SPART: variants seen among roughly 807,000 people sequenced by gnomAD.
SPART encodes the protein spastic paraplegia 20 (Troyer syndrome).
In SPART, 35 loss-of-function variants were observed where a neutral mutation model predicts 58.7. The observed-to-expected ratio is 0.60, with a 90% CI of 0.46 to 0.79. The LOEUF is 0.79. SPART is among the 30% of genes least tolerant of loss of function. The pLI, the probability that SPART is intolerant of heterozygous loss-of-function variation, is 0.00. For missense variants in SPART, 730 were observed against 786.1 expected (o/e 0.93, Z 0.85); for synonymous variants, 284 against 280.7 (o/e 1.01, Z -0.12).
chr13:36,359,931 A>AAAAAAC (rs1555266104), intron 1 of SPART, among the ~76,000 whole-genome samples: 17 of 151,050 alleles, frequency 1.1e-4, no homozygotes, highest in African/African-American at 3.4e-4. Flanking sequence ...TTTAAAAAAA[A>AAAAAAC]AAAAAAAAAA....
chr13:36,302,060 G>C lies in SPART; in HGVS notation c.*2305C>G, dbSNP rs1880037076. The C allele has an allele frequency of 6.6e-6, 1 of 152,260 alleles. No individual in the cohort carries two copies. The highest frequency in any genetic ancestry group is 2.4e-5 in the African/African-American group (1 of 41,546). The allele number at this position is 152,260 out of a possible 1,614,324, so 9.4% of individuals were successfully genotyped here. ...TTCAAAAAATGAAACAGTATGTTTG[G>C]AGAACATACATGTGTGATTAAAAAA... On this transcript the variant is annotated 3_prime_UTR_variant, in exon 9 of 9. Transcript: ENST00000438666.
chr13:36,336,932 A>G lies in SPART; in HGVS notation c.-2-1100T>C, dbSNP rs114295262. Reference sequence around the variant, plus strand: ...TTGAGACCACATACTATGATTCTACATGAATGAATTAAATGGGAAAAACTG... The same window carrying G: ...TTGAGACCACATACTATGATTCTACGTGAATGAATTAAATGGGAAAAACTG... On this transcript the variant is annotated intron_variant, in intron 1 of 8. Coordinates refer to ENST00000438666, the MANE Select transcript of SPART (RefSeq NM_015087.5). Among the ~76,000 whole-genome samples, 546 of 152,352 alleles carry G rather than the reference A, an allele frequency of 3.6e-3. 1 individual carries two copies. Among genetic ancestry groups the G allele is most frequent in the African/African-American group, 0.012 (511 of 41,582 alleles).
rs79179084 is a variant in SPART, at chr13:36,354,693, T to C, written c.-3+15396A>G. 5.0e-3 allele frequency among the ~76,000 whole-genome samples: 757 copies of C among 152,350 alleles called. 5 individuals are homozygous for C. The highest frequency in any genetic ancestry group is 0.017 in the African/African-American group (727 of 41,578). On this transcript the variant is annotated intron_variant, in intron 1 of 8. Transcript: ENST00000355182. ...TTGCTAATTTTAATGTATATTCTTT[T>C]GCTGTAATAAACCAGAACTGTGGGT...
intron 8 of SPART, among the ~76,000 whole-genome samples, chr13:36,305,446 T>C (rs1351063838): frequency 1.3e-5 from 2 of 152,176 alleles, no homozygotes; most frequent in Non-Finnish European, 2.9e-5. Flanking sequence ...TAAACCCTAT[T>C]GGAGAGGAGA....
At chr13:36,343,308 C>T (rs1208389828) in intron 1 of SPART, among the ~76,000 whole-genome samples, 1 of 151,864 alleles carries the variant, frequency 6.6e-6, no homozygotes, top group Non-Finnish European at 1.5e-5. Flanking sequence ...AAATGCATTA[C>T]CTTAAGATAA....
intron 1 of SPART, among the ~76,000 whole-genome samples, chr13:36,355,684 C>A (rs1041592276): frequency 3.9e-5 from 6 of 152,266 alleles, no homozygotes; most frequent in Admixed American, 3.3e-4. Context: ...AAGGCTCCCC[C>A]CAACCATCTG....
Position 36,304,361 on chromosome 13 carries a change from T to A in SPART, c.*4A>T. 1.2e-6 allele frequency: 2 copies of A among 1,614,028 alleles called. No individual in the cohort carries two copies. Among genetic ancestry groups the A allele is most frequent in the South Asian group, 2.2e-5 (2 of 91,078 alleles). ...CTTTGGTATAAGTGATTCCCAGCAC[T>A]TCATCATTTATCTTTCTTCTTTGCC... On this transcript the variant is annotated 3_prime_UTR_variant, in exon 9 of 9. Transcript: ENST00000438666.
At chr13:36,326,532 G>GGA in intron 5 of SPART, 43 bp downstream of exon 5, 1 of 1,609,750 alleles carries the variant, frequency 6.2e-7, no homozygotes, top group Non-Finnish European at 8.5e-7. Context: ...GGTTCCAAAG[G>GGA]CTTAATGTCA....
Position 36,312,164 on chromosome 13 carries a change from C to T in SPART, c.1714G>A (p.Val572Ile). The T allele has an allele frequency of 6.2e-7, 1 of 1,613,682 alleles. No individual in the cohort carries two copies. The highest frequency in any genetic ancestry group is 8.5e-7 in the Non-Finnish European group (1 of 1,179,576). The change falls in exon 8 of 9, where the codon GTA becomes ATA. Residue 572 changes from valine to isoleucine, a missense_variant. Coordinates refer to ENST00000438666, the MANE Select transcript of SPART (RefSeq NM_015087.5). The stretch of plus-strand genomic sequence containing the variant: ...ACTTACTTGTATCTGACAGTTTGTA[C>T]AGTTTCTGCTGAAACATTGTTAACG... ...CIVNNVSAET[V>I]QTVRYKYGYN...
intron 1 of SPART, among the ~76,000 whole-genome samples, chr13:36,339,721 GAAAT>G (rs1884397814): frequency 7.2e-6 from 1 of 138,462 alleles, no homozygotes; most frequent in African/African-American, 2.7e-5. Context: ...AAGAATTAAA[GAAAT>G]AATTCATAGA....
rs779539483 is a variant in SPART, at chr13:36,335,491, A to G, written c.340T>C (p.Tyr114His). The change falls in exon 2 of 9, where the codon TAT becomes CAT. Residue 114 changes from tyrosine to histidine, a missense_variant. Transcript: ENST00000438666. Reference protein sequence around the residue: ...QNDLQEVPKLYPEFPPKDMCE... With the variant: ...QNDLQEVPKLHPEFPPKDMCE... ...ATGTCTTTAGGTGGAAATTCTGGAT[A>G]TAACTTGGGCACCTCCTGAAGATCA... 11 of 1,614,148 alleles carry G rather than the reference A, an allele frequency of 6.8e-6. No individual in the cohort carries two copies. The South Asian group carries it at 9.9e-5, about 15-fold the overall frequency.
At chr13:36,356,663 C>T (rs1053751808) in intron 1 of SPART, among the ~76,000 whole-genome samples, 1 of 152,180 alleles carries the variant, frequency 6.6e-6, no homozygotes, top group Non-Finnish European at 1.5e-5. Flanking sequence ...ATTGATGTCT[C>T]ATGCCTCCCT....
intron 1 of SPART, among the ~76,000 whole-genome samples, chr13:36,341,901 T>A (rs1397734724): frequency 2.0e-5 from 3 of 152,196 alleles, no homozygotes; most frequent in Non-Finnish European, 1.5e-5. Context: ...TGGAATACTA[T>A]CCTGTTGTGT....
chr13:36,322,292 C>A (rs1882491477), intron 5 of SPART, among the ~76,000 whole-genome samples: 1 of 152,078 alleles, frequency 6.6e-6, no homozygotes, highest in African/African-American at 2.4e-5. Flanking sequence ...ACTAAAAATA[C>A]AAAAATTAGC....
intron 3 of SPART, among the ~76,000 whole-genome samples, chr13:36,331,066 T>G (rs1593256663): frequency 6.6e-6 from 1 of 152,362 alleles, no homozygotes; most frequent in East Asian, 1.9e-4. Context: ...ATGTATTAAT[T>G]TTTAATTTTC....
In SPART at chr13:36,368,741, C is replaced by T. The variant is rs567314871; in HGVS notation, c.-3+1348G>A. On this transcript the variant is annotated intron_variant, in intron 1 of 8. Transcript: ENST00000355182. The stretch of plus-strand genomic sequence containing the variant: ...TAAATTGGCTGGGCGCAGTGGCTCA[C>T]GCCTGTAATCCCAGCACTTTGGGAG... Among the ~76,000 whole-genome samples the T allele has an allele frequency of 3.3e-5, 5 of 152,308 alleles. No individual in the cohort carries two copies. In the East Asian group the frequency reaches 5.8e-4, roughly 18 times the overall value.
At chr13:36,316,537 G>A (rs9547242) in intron 5 of SPART, among the ~76,000 whole-genome samples, 53,438 of 151,638 alleles carry the variant, frequency 0.35, 9,958 homozygotes, top group Non-Finnish European at 0.42. Context: ...GGCTCATCCT[G>A]GCTCAAAAAG....
chr13:36,345,936 G>C (rs933444896), intron 1 of SPART, among the ~76,000 whole-genome samples: 2 of 152,250 alleles, frequency 1.3e-5, no homozygotes, highest in East Asian at 3.9e-4. Context: ...GAATCGAGCG[G>C]GAAGGATTCC....
At chr13:36,351,694 G>A (rs929840390) in intron 1 of SPART, among the ~76,000 whole-genome samples, 1 of 152,076 alleles carries the variant, frequency 6.6e-6, no homozygotes, top group Non-Finnish European at 1.5e-5. Context: ...ACAAATCCTG[G>A]GTGATTATGC....
Sources: allele counts gnomAD v4.1 joint callset (sites outside exome capture counted in the v4.1 genomes callset), GRCh38; gene constraint gnomAD v4.1.1; transcripts MANE v1.5; gene names NCBI Gene and HGNC (gene_info 2026-07-23, HGNC 2026-07-21).